The following PPP1R7 variants were observed in gnomAD, a reference collection of about 807,000 sequenced individuals.
The protein encoded by PPP1R7 is protein phosphatase 1 regulatory subunit 7.
Under a neutral mutation model 45.2 loss-of-function variants are expected in PPP1R7, and 18 were observed. That is an observed-to-expected ratio of 0.40 (90% CI 0.28 to 0.59). The LOEUF (loss-of-function observed/expected upper bound fraction) is 0.59. PPP1R7 is among the 20% of genes least tolerant of loss of function. The pLI is 0.46. For synonymous variants in PPP1R7, 181 were observed against 183.4 expected (o/e 0.99, Z 0.11); for missense variants, 314 against 455.8 (o/e 0.69, Z 2.83).
At chr2:241,150,035 G>A (rs7596642), upstream of PPP1R7, 467,963 of 1,372,884 alleles carry the variant, frequency 0.34, 84,656 homozygotes, top group Middle Eastern at 0.39. Context: ...CGCAGCCAGC[G>A]AGGCTCGCAG....
intron 7 of PPP1R7, among the ~76,000 whole-genome samples, chr2:241,165,314 G>T (rs923033878): frequency 6.6e-6 from 1 of 151,568 alleles, no homozygotes; most frequent in African/African-American, 2.4e-5. Context: ...TTACAGGTGT[G>T]CACCACCACG....
chr2:241,178,742 C>G (rs1436435326), intron 9 of PPP1R7, among the ~76,000 whole-genome samples: 3 of 144,476 alleles, frequency 2.1e-5, no homozygotes, highest in Non-Finnish European at 4.5e-5. Flanking sequence ...CTTGCCTCAG[C>G]CTCCCGAGTA....
At chr2:241,165,055 A>AT (rs1428480734) in intron 7 of PPP1R7, among the ~76,000 whole-genome samples, 1 of 152,218 alleles carries the variant, frequency 6.6e-6, no homozygotes, top group African/African-American at 2.4e-5. Flanking sequence ...CTCAAAAAAA[A>AT]GAAAGAAAGA....
chr2:241,165,696 C>A (rs1013274198), intron 7 of PPP1R7, among the ~76,000 whole-genome samples: 60 of 151,930 alleles, frequency 3.9e-4, no homozygotes, highest in African/African-American at 1.3e-3. Flanking sequence ...CAGGTTTACG[C>A]CATTCTCCTG....
intron 9 of PPP1R7, among the ~76,000 whole-genome samples, chr2:241,177,449 A>G (rs1248667505): frequency 6.6e-6 from 1 of 152,150 alleles, no homozygotes; most frequent in Admixed American, 6.5e-5. Flanking sequence ...CTTCCTAACC[A>G]AGATTTAAAA....
intron 9 of PPP1R7, among the ~76,000 whole-genome samples, chr2:241,179,136 C>T (rs1399410106): frequency 3.9e-5 from 6 of 152,104 alleles, no homozygotes; most frequent in Non-Finnish European, 7.4e-5. Flanking sequence ...GCCAGGAAAA[C>T]GTCAGCCAAG....
intron 2 of PPP1R7, among the ~76,000 whole-genome samples, chr2:241,155,736 G>A (rs2067442793): frequency 6.6e-6 from 1 of 152,142 alleles, no homozygotes; most frequent in African/African-American, 2.4e-5. Context: ...CTGCCTGCTG[G>A]CCCAGCATAA....
chr2:241,167,234 A>G (rs905913081), intron 8 of PPP1R7: 6 of 617,752 alleles, frequency 9.7e-6, no homozygotes, highest in Admixed American at 3.4e-5. Context: ...ATTGGTCTAT[A>G]AACATAGTGT....
intron 7 of PPP1R7, among the ~76,000 whole-genome samples, chr2:241,163,837 A>G (rs2067649056): frequency 6.6e-6 from 1 of 151,662 alleles, no homozygotes; most frequent in Non-Finnish European, 1.5e-5. Context: ...CTGGTCTTGA[A>G]CTCTTGACCT....
At position 241,160,486 on chromosome 2, in the gene PPP1R7, C is replaced by G; in HGVS notation, c.589C>G (p.Arg197Gly). The change falls in exon 6 of 10, where the codon CGC becomes GGC. Residue 197 changes from arginine to glycine, a missense_variant. Arg to Gly is a moderately radical substitution (Grantham distance 125). Around this residue, in one of 3 missense-constraint regions of PPP1R7, gnomAD observed 168 missense variants for 285.3 expected, o/e 0.59. Coordinates refer to ENST00000234038, the MANE Select transcript of PPP1R7 (RefSeq NM_002712.3). ...QLQMLELGSN[R>G]IRAIENIDTL... ...ACAGATGCTAGAGCTGGGATCTAAC[C>G]GCATCCGGGTAGGTGCAGACAGCCC... The G allele has an allele frequency of 6.2e-7, 1 of 1,603,654 alleles. No individual in the cohort carries two copies. Among genetic ancestry groups the G allele is most frequent in the Non-Finnish European group, 8.5e-7 (1 of 1,176,256 alleles).
rs185569629 is a variant in PPP1R7 at position 241,153,390 on chromosome 2, T to G, written c.53-86T>G. On this transcript the variant is annotated intron_variant, in intron 1 of 9. Transcript: ENST00000234038. Reference sequence around the variant, plus strand: ...CAACAAACATGTTTAAATGAAATCCTTTTGACTTACAACCGGGTGTTTATT... The same window carrying G: ...CAACAAACATGTTTAAATGAAATCCGTTTGACTTACAACCGGGTGTTTATT... The G allele has an allele frequency of 1.4e-5, 22 of 1,543,204 alleles. No homozygotes were observed. The Admixed American group carries it at 3.7e-4, about 26-fold the overall frequency.
chr2:241,169,359 A>G (rs927725796), intron 8 of PPP1R7, among the ~76,000 whole-genome samples: 2 of 152,238 alleles, frequency 1.3e-5, no homozygotes, highest in African/African-American at 4.8e-5. Context: ...TTTGTTTTGA[A>G]GATTACTTGG....
At chr2:241,153,393 T>G (rs1378413823) in intron 1 of PPP1R7, 83 bp from the exon 2 acceptor site, 15 of 1,549,860 alleles carry the variant, frequency 9.7e-6, no homozygotes, top group Non-Finnish European at 2.7e-6. Flanking sequence ...GAAATCCTTT[T>G]GACTTACAAC....
chr2:241,178,162 G>A (rs988114399), intron 9 of PPP1R7, among the ~76,000 whole-genome samples: 1 of 152,244 alleles, frequency 6.6e-6, no homozygotes, highest in Non-Finnish European at 1.5e-5. Flanking sequence ...GAGAGGCTGT[G>A]TGCCTCCCTC....
upstream of PPP1R7, chr2:241,149,991 GT>G: frequency 7.1e-7 from 1 of 1,415,028 alleles, no homozygotes; most frequent in Non-Finnish European, 9.2e-7. Flanking sequence ...CCGGGAGAAT[GT>G]TGTTGCTCTT....
intron 9 of PPP1R7, among the ~76,000 whole-genome samples, chr2:241,172,593 A>C (rs2067835026): frequency 6.6e-6 from 1 of 152,102 alleles, no homozygotes; most frequent in Non-Finnish European, 1.5e-5. Context: ...GCAGTGGGCC[A>C]AGATCGTGCC....
intron 8 of PPP1R7, 126 bp from the exon 9 acceptor site, chr2:241,169,655 C>T (rs2067780299): frequency 1.3e-6 from 1 of 741,266 alleles, no homozygotes; most frequent in Non-Finnish European, 2.3e-6. Context: ...CATGCCCTTA[C>T]CCTGTGAGGG....
At position 241,157,875 on chromosome 2, in the gene PPP1R7, G is replaced by A. The variant is rs373844263; in HGVS notation, c.237+13G>A. On this transcript the variant is annotated intron_variant, in intron 3 of 9. Coordinates refer to ENST00000234038, the MANE Select transcript of PPP1R7 (RefSeq NM_002712.3). ...CAGAGATGCAGAGGTAATGCCGCCT[G>A]CTCAGCCCAGCCTTGGGCGTGGTGA... 4 of 1,611,788 alleles carry A rather than the reference G, an allele frequency of 2.5e-6. No individual in the cohort carries two copies. The highest frequency in any genetic ancestry group is 1.6e-4 in the Middle Eastern group (1 of 6,066).
intron 8 of PPP1R7, 118 bp downstream of exon 8, chr2:241,166,559 T>A: frequency 1.2e-6 from 1 of 806,856 alleles, no homozygotes; most frequent in Non-Finnish European, 2.0e-6. Context: ...GCCCTGCCTC[T>A]GGAGGTTTAT....
Sources: allele counts gnomAD v4.1 joint callset (sites outside exome capture counted in the v4.1 genomes callset), GRCh38; gene constraint gnomAD v4.1.1; regional missense constraint gnomAD v4.1.1; transcripts MANE v1.5; gene names NCBI Gene and HGNC (gene_info 2026-07-23, HGNC 2026-07-21).